The following SBF2 variants were observed in gnomAD, a reference collection of about 807,000 sequenced individuals.
SBF2 encodes myotubularin-related protein 13.
Under a neutral mutation model 225.2 loss-of-function variants are expected in SBF2, and 112 were observed. That is an observed-to-expected ratio of 0.50 (90% CI 0.43 to 0.58). The LOEUF (loss-of-function observed/expected upper bound fraction) is 0.58. Among genes scored for constraint, SBF2 ranks in the 20% least tolerant of loss-of-function variants. SBF2 has a pLI of 0.00. For synonymous variants in SBF2, 763 were observed against 773.3 expected (o/e 0.99, Z 0.22); for missense variants, 1,996 against 2,206.2 (o/e 0.90, Z 1.91).
At chr11:9,806,858 A>G (rs1006255205) in intron 32 of SBF2, among the ~76,000 whole-genome samples, 1 of 152,228 alleles carries the variant, frequency 6.6e-6, no homozygotes, top group Non-Finnish European at 1.5e-5. Flanking sequence ...TGGATTCAAA[A>G]CCACTGAACA....
intron 2 of SBF2, among the ~76,000 whole-genome samples, chr11:10,173,201 G>A (rs140382673): frequency 0.06 from 9,093 of 152,266 alleles, 333 homozygotes; most frequent in Middle Eastern, 0.15. Context: ...AGCTCCCAGC[G>A]TGAGCGACGC....
intron 33 of SBF2, 165 bp from the exon 34 acceptor site, chr11:9,790,848 G>T: frequency 1.8e-6 from 1 of 561,706 alleles, no homozygotes; most frequent in Non-Finnish European, 3.1e-6. Flanking sequence ...CTAAAGACCG[G>T]AATGAATTTC....
At chr11:9,955,162 T>C (rs1866081267) in intron 16 of SBF2, among the ~76,000 whole-genome samples, 1 of 152,060 alleles carries the variant, frequency 6.6e-6, no homozygotes, top group Non-Finnish European at 1.5e-5. Flanking sequence ...AATGTAGTTA[T>C]ATGTGTATGT....
intron 16 of SBF2, among the ~76,000 whole-genome samples, chr11:9,920,820 G>C (rs1411508043): frequency 6.6e-6 from 1 of 152,098 alleles, no homozygotes; most frequent in African/African-American, 2.4e-5. Context: ...TGATACCCTA[G>C]TCAGGGAAGC....
At chr11:10,027,609 G>A (rs1400350206) in intron 6 of SBF2, among the ~76,000 whole-genome samples, 2 of 152,180 alleles carry the variant, frequency 1.3e-5, no homozygotes, top group East Asian at 3.9e-4. Context: ...ATGAGAGTGG[G>A]ACACTCATAG....
intron 13 of SBF2, among the ~76,000 whole-genome samples, chr11:9,972,914 T>C (rs1016130227): frequency 6.6e-6 from 1 of 152,276 alleles, no homozygotes; most frequent in Non-Finnish European, 1.5e-5. Flanking sequence ...AAGTTCAAAG[T>C]TGAATATCTG....
intron 16 of SBF2, among the ~76,000 whole-genome samples, chr11:9,948,371 G>A (rs570102736): frequency 3.5e-4 from 54 of 152,126 alleles, no homozygotes; most frequent in African/African-American, 1.2e-3. Flanking sequence ...ATAAATATAC[G>A]TAATGCCACT....
intron 6 of SBF2, among the ~76,000 whole-genome samples, chr11:10,008,595 G>GC (rs34244852): frequency 0.52 from 79,731 of 152,002 alleles, 21,410 homozygotes; most frequent in Admixed American, 0.61. Flanking sequence ...CCAAATAATT[G>GC]CATTGGTATG....
intron 1 of SBF2, among the ~76,000 whole-genome samples, chr11:10,265,890 T>C (rs557115470): frequency 6.6e-6 from 1 of 152,124 alleles, no homozygotes; most frequent in Non-Finnish European, 1.5e-5. Context: ...CGCGCATGTG[T>C]GTGTGTGTTT....
intron 2 of SBF2, among the ~76,000 whole-genome samples, chr11:10,071,263 C>CTTTTTTTTTTTTTTTTTT (rs774979361): frequency 1.6e-5 from 2 of 124,932 alleles, no homozygotes; most frequent in Admixed American, 1.0e-4. Flanking sequence ...TTCTCTCTCT[C>CTTTTTTTTTTTTTTTTTT]TCTTTTTTTT....
At chr11:9,915,148 G>A (rs2134201097) in intron 16 of SBF2, among the ~76,000 whole-genome samples, 1 of 152,250 alleles carries the variant, frequency 6.6e-6, no homozygotes, top group East Asian at 1.9e-4. Context: ...GCCAAGGAAA[G>A]AGAGTACTTG....
At chr11:9,828,001 C>T (rs1266895032) in intron 28 of SBF2, 1 of 465,970 alleles carries the variant, frequency 2.1e-6, no homozygotes. Context: ...ACCATTCATT[C>T]AGAAGAGGGT....
At chr11:10,241,281 A>G (rs1668278239) in intron 1 of SBF2, among the ~76,000 whole-genome samples, 2 of 152,180 alleles carry the variant, frequency 1.3e-5, no homozygotes, top group Admixed American at 6.5e-5. Flanking sequence ...TGAACCTGGG[A>G]GGCAAGAGGT....
chr11:10,052,913 T>C (rs1950112026), intron 2 of SBF2, among the ~76,000 whole-genome samples: 1 of 152,172 alleles, frequency 6.6e-6, no homozygotes, highest in Non-Finnish European at 1.5e-5. Flanking sequence ...CTAATATAAA[T>C]ACATGGCAGA....
chr11:10,196,864 A>ATTTTTTTTTTT (rs1464688140), intron 1 of SBF2, among the ~76,000 whole-genome samples: 5 of 61,962 alleles, frequency 8.1e-5, no homozygotes, highest in Middle Eastern at 8.8e-3. Flanking sequence ...ATATATATAT[A>ATTTTTTTTTTT]TATTTTTTTT....
chr11:9,905,381 T>C (rs1862041744), intron 16 of SBF2, among the ~76,000 whole-genome samples: 1 of 152,200 alleles, frequency 6.6e-6, no homozygotes, highest in Non-Finnish European at 1.5e-5. Context: ...GTAGAACAAA[T>C]GATCTTACTA....
rs550178942 is a variant in SBF2 at position 10,067,138 on chromosome 11, G to C, written c.142-24157C>G. The stretch of plus-strand genomic sequence containing the variant: ...GTTTTTTTTAAAATGAATTACTTAG[G>C]GATACATATGTCAAAAGATGTGAAA... On this transcript the variant is annotated intron_variant, in intron 2 of 39. Coordinates refer to ENST00000256190, the MANE Select transcript of SBF2 (RefSeq NM_030962.4). Among the ~76,000 whole-genome samples, 10 of 151,942 alleles carry C rather than the reference G, an allele frequency of 6.6e-5. No homozygotes were observed. The South Asian group carries it at 2.1e-3, about 32-fold the overall frequency.
intron 17 of SBF2, among the ~76,000 whole-genome samples, chr11:9,869,019 G>C (rs1858486831): frequency 6.6e-6 from 1 of 152,234 alleles, no homozygotes; most frequent in African/African-American, 2.4e-5. Flanking sequence ...TCACTCATTA[G>C]TTAGAGTACT....
At chr11:10,038,667 T>C (rs998780391) in intron 3 of SBF2, among the ~76,000 whole-genome samples, 2 of 151,860 alleles carry the variant, frequency 1.3e-5, no homozygotes, top group South Asian at 2.1e-4. Context: ...ACGTATCTTA[T>C]GTCTTCTATG....
Sources: gnomAD v4.1 joint callset for allele counts (sites outside exome capture counted in the v4.1 genomes callset) on GRCh38, gnomAD v4.1.1 for gene constraint, MANE v1.5 for transcripts, NCBI Gene and HGNC (gene_info 2026-07-23, HGNC 2026-07-21) for gene names.